Variants in HNF1B observed in about 807,000 individuals in gnomAD.
HNF1B encodes the protein HNF1 homeobox B.
In HNF1B, 8 loss-of-function variants were observed where a neutral mutation model predicts 61.7. The ratio of observed to expected loss-of-function variants is 0.13; its 90% CI spans 0.08 to 0.23. The LOEUF is 0.23. Among genes scored for constraint, HNF1B ranks in the 10% least tolerant of loss-of-function variants. HNF1B has a pLI of 1.00. For missense variants in HNF1B, 562 were observed against 714.5 expected (o/e 0.79, Z 2.43); for synonymous variants, 314 against 287.7 (o/e 1.09, Z -0.93).
chr17:37,711,628 G>A (rs2032938451), intron 4 of HNF1B, among the ~76,000 whole-genome samples: 1 of 152,220 alleles, frequency 6.6e-6, no homozygotes, highest in Admixed American at 6.5e-5. Flanking sequence ...AAACAGTCAA[G>A]GACAAGGTTG....
At chr17:37,699,506 C>T (rs2032494616) in intron 7 of HNF1B, among the ~76,000 whole-genome samples, 1 of 152,214 alleles carries the variant, frequency 6.6e-6, no homozygotes, top group Non-Finnish European at 1.5e-5. Context: ...GCTTGCCCTT[C>T]TCATGCAGGG....
At chr17:37,705,894 G>A (rs752338128) in intron 5 of HNF1B, among the ~76,000 whole-genome samples, 11 of 152,076 alleles carry the variant, frequency 7.2e-5, no homozygotes, top group South Asian at 2.1e-4. Context: ...ATAAGGGCGC[G>A]ATCAGTTTTA....
At chr17:37,706,642 G>C (rs2032758200) in intron 5 of HNF1B, among the ~76,000 whole-genome samples, 1 of 144,112 alleles carries the variant, frequency 6.9e-6, no homozygotes, top group Admixed American at 7.2e-5. Flanking sequence ...GAAGCAGCCT[G>C]TTTGCTGGAC....
chr17:37,744,492 G>C (rs777572793), intron 1 of HNF1B, 49 bp downstream of exon 1: 7 of 1,577,330 alleles, frequency 4.4e-6, no homozygotes, highest in South Asian at 4.4e-5. Flanking sequence ...GCCCGGGGCC[G>C]GGGCTCCAGG....
intron 8 of HNF1B, among the ~76,000 whole-genome samples, chr17:37,691,349 T>A: frequency 6.6e-6 from 1 of 152,048 alleles, no homozygotes; most frequent in East Asian, 1.9e-4. Flanking sequence ...ATAATTCCGG[T>A]TTTACAGATG....
chr17:37,720,788 A>G (rs569562941), intron 4 of HNF1B: 36 of 985,152 alleles, frequency 3.7e-5, no homozygotes, highest in Non-Finnish European at 4.2e-5. Flanking sequence ...GAATACATAC[A>G]TACAGAGCAA....
chr17:37,732,910 G>A (rs1025068639), intron 3 of HNF1B, among the ~76,000 whole-genome samples: 8 of 151,922 alleles, frequency 5.3e-5, no homozygotes, highest in African/African-American at 1.7e-4. Context: ...CAAACTCCTG[G>A]GCTCAAGCAA....
intron 4 of HNF1B, among the ~76,000 whole-genome samples, chr17:37,714,230 T>C (rs1388313844): frequency 6.6e-6 from 1 of 152,174 alleles, no homozygotes; most frequent in Non-Finnish European, 1.5e-5. Flanking sequence ...ACACGTCAAT[T>C]CCTCCTACTT....
chr17:37,742,606 C>T (rs2034027339), intron 1 of HNF1B, among the ~76,000 whole-genome samples: 1 of 152,128 alleles, frequency 6.6e-6, no homozygotes, highest in South Asian at 2.1e-4. Flanking sequence ...GAGAAAAAAG[C>T]CTCCAGGTCT....
At position 37,731,634 on chromosome 17, in the gene HNF1B, G is replaced by T. The variant is rs138986885; in HGVS notation, c.1006C>A (p.His336Asn). Residue 336 changes from histidine to asparagine, a missense_variant, in exon 4 of 9, where the codon CAC becomes AAC. By Grantham distance (68) the His-to-Asn change is moderately conservative (BLOSUM62 1). This residue lies in a region of HNF1B where 211 missense variants were observed against 200.7 expected (regional missense o/e 1.05). Coordinates refer to ENST00000617811, the MANE Select transcript of HNF1B (RefSeq NM_000458.4). The part of the protein sequence containing the change: ...LNPLLSHGSP[H>N]HQPSSSPPNK... ...GGAGGAGAGGAGCTGGGCTGGTGGT[G>T]GGGGGAGCCGTGGGAGAGCAGAGGG... The T allele has an allele frequency of 1.9e-5, 30 of 1,613,614 alleles. No homozygotes were observed. The highest frequency in any genetic ancestry group is 7.7e-5 in the South Asian group (7 of 91,012).
rs1282378255 is a variant in HNF1B, at chr17:37,744,842, C to T, written c.43G>A (p.Ala15Thr). ...LTSLQQELLS[A>T]LLSSGVTKEV... ...TTGGTGACCCCGGAGCTCAGCAGGG[C>T]GCTCAGGAGTTCTTGCTGGAGCGAC... The change falls in exon 1 of 9, where the codon GCC (alanine) becomes ACC (threonine). Residue 15 changes from alanine (A) to threonine (T), a missense_variant. Physicochemically the swap from Ala to Thr is moderately conservative, Grantham distance 58. Coordinates refer to ENST00000617811, the MANE Select transcript of HNF1B (RefSeq NM_000458.4). 3 of 1,605,492 alleles carry T rather than the reference C, an allele frequency of 1.9e-6. No individual in the cohort carries two copies. Among genetic ancestry groups the T allele is most frequent in the East Asian group, 2.3e-5 (1 of 44,272 alleles).
intron 4 of HNF1B, 186 bp downstream of exon 4, chr17:37,731,409 G>A: frequency 1.4e-6 from 1 of 696,558 alleles, no homozygotes; most frequent in Non-Finnish European, 2.6e-6. Flanking sequence ...GGCTGAACCA[G>A]GAGTTGGAGG....
At chr17:37,735,528 T>C (rs771650866) in intron 2 of HNF1B, among the ~76,000 whole-genome samples, 8 of 152,196 alleles carry the variant, frequency 5.3e-5, no homozygotes, top group Non-Finnish European at 1.2e-4. Context: ...GGCTCTGTTT[T>C]CAGTGGTGCC....
intron 6 of HNF1B, among the ~76,000 whole-genome samples, chr17:37,702,120 G>A (rs1598807031): frequency 6.6e-6 from 1 of 152,162 alleles, no homozygotes; most frequent in Admixed American, 6.5e-5. Context: ...TCCTGGGGTC[G>A]ATTGTGTTCC....
rs889966947 is a variant in HNF1B at position 37,710,603 on chromosome 17, T to C, written c.1106A>G (p.His369Arg). 2.5e-6 allele frequency: 4 copies of C among 1,613,778 alleles called. No individual in the cohort carries two copies. The African/African-American group carries it at 4.0e-5, about 16-fold the overall frequency. ...EITSSSTISH[H>R]GNSAMVTSQS... The stretch of plus-strand genomic sequence containing the variant: ...GCTGGTCACCATGGCGCTGTTGCCA[T>C]GGTGACTGATTGTTGAGGAGGAAGT... Residue 369 changes from histidine (H) to arginine (R), a missense_variant, in exon 5 of 9, where the codon CAT becomes CGT. Physicochemically the swap from His to Arg is conservative, Grantham distance 29 (BLOSUM62 0). This residue lies in a region of HNF1B where 211 missense variants were observed against 200.7 expected (regional missense o/e 1.05). Transcript: ENST00000617811.
At chr17:37,729,012 T>C (rs1002684321) in intron 4 of HNF1B, 1 of 152,426 alleles carries the variant, frequency 6.6e-6, no homozygotes, top group Non-Finnish European at 1.5e-5. Context: ...CCCTCTCTAA[T>C]GTTAAGAGTC....
At chr17:37,706,115 C>T (rs1454692134) in intron 5 of HNF1B, among the ~76,000 whole-genome samples, 3 of 152,062 alleles carry the variant, frequency 2.0e-5, no homozygotes, top group Non-Finnish European at 4.4e-5. Context: ...CCTACCACCA[C>T]GCCTGGCTGA....
At chr17:37,706,880 T>C (rs1445932427) in intron 5 of HNF1B, among the ~76,000 whole-genome samples, 1 of 152,186 alleles carries the variant, frequency 6.6e-6, no homozygotes, top group Non-Finnish European at 1.5e-5. Flanking sequence ...CTTTCACTGA[T>C]TGTCCTTAAT....
At chr17:37,695,408 G>A (rs866851543) in intron 8 of HNF1B, among the ~76,000 whole-genome samples, 27 of 152,216 alleles carry the variant, frequency 1.8e-4, no homozygotes, top group African/African-American at 5.3e-4. Flanking sequence ...TTGCTGCAGG[G>A]GCAGAGCCCC....
Sources: allele counts gnomAD v4.1 joint callset (sites outside exome capture counted in the v4.1 genomes callset), GRCh38; gene constraint gnomAD v4.1.1; regional missense constraint gnomAD v4.1.1; transcripts MANE v1.5; gene names NCBI Gene and HGNC (gene_info 2026-07-23, HGNC 2026-07-21).